The following YME1L1 variants were observed in gnomAD, a reference collection of about 807,000 sequenced individuals.
YME1L1 encodes YME1 like 1 ATPase, also known as ATP-dependent zinc metalloprotease YME1L1.
A neutral mutation model predicts 90.4 loss-of-function variants in YME1L1; 39 were observed. The observed-to-expected ratio is 0.43, with a 90% CI of 0.33 to 0.56. YME1L1 has a LOEUF of 0.56. YME1L1 is among the 20% of genes least tolerant of loss of function. YME1L1 has a pLI of 0.03. For synonymous variants in YME1L1, 284 were observed against 287.3 expected (o/e 0.99, Z 0.12); for missense variants, 617 against 868.4 (o/e 0.71, Z 3.64).
chr10:27,151,666 G>A (rs1370395766), intron 1 of YME1L1, among the ~76,000 whole-genome samples: 1 of 152,080 alleles, frequency 6.6e-6, no homozygotes, highest in Non-Finnish European at 1.5e-5. Context: ...CGGATCACAA[G>A]GTCAGGGGAT....
At position 27,126,170 on chromosome 10, in the gene YME1L1, C is replaced by G. The variant is rs185576614; in HGVS notation, c.949+526G>C. On this transcript the variant is annotated intron_variant, in intron 9 of 18. Coordinates refer to ENST00000376016, the MANE Select transcript of YME1L1 (RefSeq NM_014263.4). ...TTTTAAAATGGAGTTAGGTTGAGTG[C>G]GCTGGCTCATGCCTGCAGTCCTAGT... Among the ~76,000 whole-genome samples, 92 of 152,118 alleles carry G rather than the reference C, an allele frequency of 6.0e-4. 1 individual carries two copies. The highest frequency in any genetic ancestry group is 3.4e-3 in the Middle Eastern group (1 of 294).
At position 27,123,291 on chromosome 10, in the gene YME1L1, G is replaced by C. The variant is rs539744270; in HGVS notation, c.1102+256C>G. On this transcript the variant is annotated intron_variant, in intron 10 of 18. Transcript: ENST00000376016. The stretch of plus-strand genomic sequence containing the variant: ...GATGAATAAAATGAAAAAACACTAA[G>C]AGATTTTTGGTAGCCTCCAACTTCA... Among the ~76,000 whole-genome samples, 51 of 152,072 alleles carry C rather than the reference G, an allele frequency of 3.4e-4. No individual in the cohort carries two copies. In the South Asian group the frequency reaches 0.01, roughly 30 times the overall value.
intron 18 of YME1L1, among the ~76,000 whole-genome samples, chr10:27,113,219 CA>C (rs869122796): frequency 2.3e-5 from 1 of 43,104 alleles, no homozygotes; most frequent in Non-Finnish European, 4.4e-5. Flanking sequence ...GATGCTGTCT[CA>C]AAAAAAAAAA....
chr10:27,142,304 GAATT>G, intron 4 of YME1L1, 79 bp downstream of exon 4: 1 of 791,008 alleles, frequency 1.3e-6, no homozygotes, highest in Non-Finnish European at 1.9e-6. Flanking sequence ...TGAATGTTTA[GAATT>G]AATACCATTA....
intron 1 of YME1L1, chr10:27,153,399 T>A (rs2057254084): frequency 3.0e-6 from 1 of 332,370 alleles, no homozygotes; most frequent in Non-Finnish European, 6.0e-6. Flanking sequence ...AATTATGTTT[T>A]AAAAAAACTC....
Position 27,145,441 on chromosome 10 carries a change from AAAG to A in YME1L1, c.315_317del (p.Phe106del). On this transcript the variant is annotated inframe_deletion, in exon 3 of 19. Coordinates refer to ENST00000376016, the MANE Select transcript of YME1L1 (RefSeq NM_014263.4). ...ACATTAACATACCATATTTATTTTC[AAAG>A]AAGGATTGTGCAGAGACATGGGATG... is the stretch of plus-strand genomic sequence containing the variant. 1.2e-6 allele frequency: 2 copies of A among 1,604,818 alleles called. No individual in the cohort carries two copies. The highest frequency in any genetic ancestry group is 1.7e-6 in the Non-Finnish European group (2 of 1,174,898).
intron 1 of YME1L1, among the ~76,000 whole-genome samples, chr10:27,152,415 T>C (rs2057230320): frequency 6.6e-6 from 1 of 152,196 alleles, no homozygotes; most frequent in Non-Finnish European, 1.5e-5. Flanking sequence ...AAGCAAGAAA[T>C]GCCTGAGAGT....
In YME1L1 at chr10:27,145,452, G is replaced by A; in HGVS notation, c.307C>T (p.Gln103Ter). ...SHWHTSHVSAQSFFENKYGNL... is the reference protein window; with the variant it reads ...SHWHTSHVSA ...CCATATTTATTTTCAAAGAAGGATT[G>A]TGCAGAGACATGGGATGTATGCCAA... Residue 103 changes from glutamine to a stop codon, truncating the protein, a stop_gained, in exon 3 of 19, where the codon CAA (glutamine) becomes TAA (stop). Coordinates refer to ENST00000376016, the MANE Select transcript of YME1L1 (RefSeq NM_014263.4). LOFTEE classifies it high-confidence loss of function. 6.2e-7 allele frequency: 1 copy of A among 1,612,206 alleles called. No individual in the cohort carries two copies. The highest frequency in any genetic ancestry group is 8.5e-7 in the Non-Finnish European group (1 of 1,178,822).
chr10:27,135,762 A>AT (rs1346030206), intron 5 of YME1L1, among the ~76,000 whole-genome samples: 1 of 152,094 alleles, frequency 6.6e-6, no homozygotes, highest in Non-Finnish European at 1.5e-5. Flanking sequence ...GCAGAGTAAT[A>AT]TAACTAGATC....
chr10:27,121,266 C>T, intron 12 of YME1L1, 120 bp downstream of exon 12: 1 of 720,084 alleles, frequency 1.4e-6, no homozygotes, highest in South Asian at 1.6e-5. Context: ...TTTGCTTATT[C>T]TGGATATTGC....
chr10:27,144,522 T>C (rs2057121783), intron 3 of YME1L1, among the ~76,000 whole-genome samples: 1 of 152,170 alleles, frequency 6.6e-6, no homozygotes, highest in Non-Finnish European at 1.5e-5. Flanking sequence ...CTCATAAAGT[T>C]GACATCCCTT....
intron 2 of YME1L1, chr10:27,146,501 G>A (rs1461947306): frequency 6.6e-6 from 1 of 152,204 alleles, no homozygotes; most frequent in African/African-American, 2.4e-5. Flanking sequence ...AACAGCTAAG[G>A]TGGGAAGATC....
intron 2 of YME1L1, chr10:27,147,314 C>A: frequency 1.9e-6 from 2 of 1,029,256 alleles, no homozygotes; most frequent in Non-Finnish European, 2.8e-6. Flanking sequence ...GTGAAGAAAG[C>A]AAGACCCTGT....
intron 1 of YME1L1, among the ~76,000 whole-genome samples, chr10:27,150,920 CTTTTT>C (rs142259641): frequency 2.3e-5 from 2 of 87,660 alleles, no homozygotes; most frequent in Non-Finnish European, 2.3e-5. Flanking sequence ...ACTCTCTCGC[CTTTTT>C]TTTTTTTTTT....
chr10:27,131,780 T>C, intron 8 of YME1L1, 79 bp downstream of exon 8: 1 of 1,084,234 alleles, frequency 9.2e-7, no homozygotes, highest in Non-Finnish European at 1.4e-6. Flanking sequence ...TAGAATACAC[T>C]GTAGAATCAA....
chr10:27,122,818 A>G, intron 11 of YME1L1, 23 bp downstream of exon 11: 3 of 1,611,898 alleles, frequency 1.9e-6, no homozygotes, highest in Non-Finnish European at 1.7e-6. Context: ...ACCATATTCT[A>G]AGAAAAAAGA....
At chr10:27,114,932 CAGG>C (rs1409656768) in intron 17 of YME1L1, among the ~76,000 whole-genome samples, 2 of 152,172 alleles carry the variant, frequency 1.3e-5, no homozygotes, top group East Asian at 3.9e-4. Flanking sequence ...GAGGCTGAGG[CAGG>C]AGAATCGCTT....
chr10:27,134,712 A>G, intron 6 of YME1L1, 119 bp downstream of exon 6: 1 of 1,045,150 alleles, frequency 9.6e-7, no homozygotes. Flanking sequence ...ATTAAGTTAC[A>G]AATATAGTGG....
chr10:27,151,697 C>T (rs375151816), intron 1 of YME1L1, among the ~76,000 whole-genome samples: 16 of 151,972 alleles, frequency 1.1e-4, no homozygotes, highest in African/African-American at 3.9e-4. Flanking sequence ...CTGGCTAACA[C>T]GGTGAAACCC....
Sources: allele counts gnomAD v4.1 joint callset (sites outside exome capture counted in the v4.1 genomes callset), GRCh38; gene constraint gnomAD v4.1.1; transcripts MANE v1.5; gene names NCBI Gene and HGNC (gene_info 2026-07-23, HGNC 2026-07-21).